The following CACNA1E variants were observed in gnomAD, a reference collection of about 807,000 sequenced individuals.
The protein encoded by CACNA1E is calcium voltage-gated channel subunit alpha1 E.
A neutral mutation model predicts 259.2 loss-of-function variants in CACNA1E; 40 were observed. That is an observed-to-expected ratio of 0.15 (90% confidence interval 0.12 to 0.20). CACNA1E has a LOEUF of 0.20. Ranked by LOEUF, CACNA1E falls within the 10% of genes least tolerant of loss-of-function variation. The pLI is 1.00. For synonymous variants in CACNA1E, 1,104 were observed against 1,138.5 expected (o/e 0.97, Z 0.61); for missense variants, 1,874 against 3,040.1 (o/e 0.62, Z 9.02).
intron 7 of CACNA1E, among the ~76,000 whole-genome samples, chr1:181,667,517 T>C (rs1415517581): frequency 6.6e-6 from 1 of 152,132 alleles, no homozygotes; most frequent in Non-Finnish European, 1.5e-5. Context: ...TCATCCAATA[T>C]CTGTGTCTTA....
At chr1:181,679,670 G>A (rs936103263) in intron 7 of CACNA1E, among the ~76,000 whole-genome samples, 2 of 152,122 alleles carry the variant, frequency 1.3e-5, no homozygotes, top group Admixed American at 1.3e-4. Flanking sequence ...TGCAGTGATG[G>A]GATTCTGAGA....
intron 1 of CACNA1E, among the ~76,000 whole-genome samples, chr1:181,406,362 A>G (rs1657460743): frequency 6.6e-6 from 1 of 152,116 alleles, no homozygotes; most frequent in Admixed American, 6.5e-5. Context: ...GAGCTTCTGT[A>G]TTTAATTCTC....
chr1:181,456,453 C>T (rs2102354997), intron 2 of CACNA1E, among the ~76,000 whole-genome samples: 1 of 152,250 alleles, frequency 6.6e-6, no homozygotes, highest in Middle Eastern at 3.4e-3. Context: ...CTGAGGTATT[C>T]CCTTGGCACA....
At chr1:181,415,718 A>C (rs1658218857) in intron 2 of CACNA1E, among the ~76,000 whole-genome samples, 1 of 152,118 alleles carries the variant, frequency 6.6e-6, no homozygotes, top group Non-Finnish European at 1.5e-5. Context: ...TGGGTTGAAA[A>C]GAAAATGGGA....
rs1181877556 is a variant in CACNA1E at position 181,776,854 on chromosome 1, GA to G, written c.5267+627del. 6.6e-6 allele frequency among the ~76,000 whole-genome samples: 1 copy of G among 152,212 alleles called. No homozygotes were observed. Among genetic ancestry groups the G allele is most frequent in the African/African-American group, 2.4e-5 (1 of 41,452 alleles). ...CGTGCCTTCTAGGCTCTAGAGCAGG[GA>G]TTGGCAAACTACATCCCATGGGCAA... On this transcript the variant is annotated intron_variant, in intron 38 of 47. Coordinates refer to ENST00000367573, the MANE Select transcript of CACNA1E (RefSeq NM_001205293.3). The surrounding 1 kb of genome is among the most constrained non-coding windows in gnomAD (Gnocchi z 4.4).
chr1:181,542,638 C>A (rs116287317), intron 3 of CACNA1E, among the ~76,000 whole-genome samples: 2,558 of 152,044 alleles, frequency 0.017, 29 homozygotes, highest in Admixed American at 0.029. Context: ...TGTCTTACTT[C>A]CCCTTTGCCA....
intron 33 of CACNA1E, among the ~76,000 whole-genome samples, chr1:181,763,103 C>T (rs960615941): frequency 2.6e-5 from 4 of 152,146 alleles, no homozygotes; most frequent in African/African-American, 7.2e-5. Context: ...CCTAGATCTG[C>T]TCTTTTTGGC....
chr1:181,323,584 A>G (rs1312805929), intron 1 of CACNA1E, among the ~76,000 whole-genome samples: 1 of 152,160 alleles, frequency 6.6e-6, no homozygotes, highest in Non-Finnish European at 1.5e-5. Context: ...GTCATACAAT[A>G]GGATTTTTTT....
At chr1:181,434,170 AGTG>A (rs1253056726) in intron 2 of CACNA1E, among the ~76,000 whole-genome samples, 2 of 152,186 alleles carry the variant, frequency 1.3e-5, no homozygotes, top group Non-Finnish European at 1.5e-5. Context: ...TTATCTGTAA[AGTG>A]GTGATTATAA....
chr1:181,624,410 C>T (rs999777153), intron 6 of CACNA1E, among the ~76,000 whole-genome samples: 3 of 152,158 alleles, frequency 2.0e-5, no homozygotes, highest in Non-Finnish European at 4.4e-5. Flanking sequence ...AACAGTAGAA[C>T]TTTTTTTGAA....
chr1:181,515,519 T>C (rs182767181), intron 3 of CACNA1E, among the ~76,000 whole-genome samples: 57 of 152,324 alleles, frequency 3.7e-4, no homozygotes, highest in Middle Eastern at 3.4e-3. Context: ...TTTTCCCACC[T>C]GCTAAAAGAC....
intron 1 of CACNA1E, among the ~76,000 whole-genome samples, chr1:181,409,068 A>C (rs1657666399): frequency 6.6e-6 from 1 of 152,186 alleles, no homozygotes; most frequent in African/African-American, 2.4e-5. Flanking sequence ...TGAAAGACCA[A>C]AGTTTACAGG....
intron 6 of CACNA1E, among the ~76,000 whole-genome samples, chr1:181,644,733 A>G (rs1231889456): frequency 6.6e-6 from 1 of 152,202 alleles, no homozygotes. Flanking sequence ...TGAGGGAAGC[A>G]GGATAGGTCA....
intron 32 of CACNA1E, among the ~76,000 whole-genome samples, chr1:181,759,493 C>T (rs1481616456): frequency 6.6e-6 from 1 of 151,214 alleles, no homozygotes; most frequent in Non-Finnish European, 1.5e-5. Context: ...AATTTTTCTG[C>T]CATGAGCCCT....
intron 3 of CACNA1E, 57 bp from the exon 4 acceptor site, chr1:181,577,709 G>A (rs1471976514): frequency 8.3e-7 from 1 of 1,210,732 alleles, no homozygotes; most frequent in Non-Finnish European, 1.2e-6. Context: ...TTCCTGCATG[G>A]AACAAGAGGG....
chr1:181,365,231 G>A (rs796434480), intron 1 of CACNA1E, among the ~76,000 whole-genome samples: 21 of 152,292 alleles, frequency 1.4e-4, no homozygotes, highest in African/African-American at 4.6e-4. Context: ...GCAGTGACGC[G>A]ATCATGGCTC....
At chr1:181,413,832 C>G (rs1377738428) in intron 2 of CACNA1E, among the ~76,000 whole-genome samples, 1 of 152,210 alleles carries the variant, frequency 6.6e-6, no homozygotes, top group Admixed American at 6.5e-5. Context: ...ATCAGCCTTG[C>G]CCCCAAGGCT....
At chr1:181,785,182 C>G in intron 41 of CACNA1E, 136 bp from the exon 42 acceptor site, 1 of 660,052 alleles carries the variant, frequency 1.5e-6, no homozygotes, top group Non-Finnish European at 2.8e-6. Flanking sequence ...CCATGGGGGC[C>G]CTCAATATAC....
chr1:181,544,602 T>C (rs1647255305), intron 3 of CACNA1E, among the ~76,000 whole-genome samples: 1 of 152,132 alleles, frequency 6.6e-6, no homozygotes, highest in Admixed American at 6.5e-5. Context: ...ATGGTGGCAG[T>C]GGTGGGTTGG....
Sources: gnomAD v4.1 joint callset for allele counts (sites outside exome capture counted in the v4.1 genomes callset) on GRCh38, gnomAD v4.1.1 for gene constraint, Gnocchi (gnomAD v3.1) non-coding constraint, MANE v1.5 for transcripts, NCBI Gene and HGNC (gene_info 2026-07-23, HGNC 2026-07-21) for gene names.